Variants in AKAP6 observed in about 807,000 individuals in gnomAD.
AKAP6 encodes the protein A-kinase anchoring protein 6.
In AKAP6, 58 loss-of-function variants were observed where a neutral mutation model predicts 188.5. The ratio of observed to expected loss-of-function variants is 0.31; its 90% CI spans 0.25 to 0.38. The LOEUF (loss-of-function observed/expected upper bound fraction) is 0.38, where lower values mean the gene tolerates loss of function less well. Among genes scored for constraint, AKAP6 ranks in the 10% least tolerant of loss-of-function variants. The pLI is 1.00. For missense variants in AKAP6, 2,710 were observed against 2,740.0 expected (o/e 0.99, Z 0.24); for synonymous variants, 989 against 998.6 (o/e 0.99, Z 0.18).
At chr14:32,731,823 G>A (rs949126716) in intron 9 of AKAP6, among the ~76,000 whole-genome samples, 8 of 152,136 alleles carry the variant, frequency 5.3e-5, no homozygotes, top group African/African-American at 1.9e-4. Context: ...CAGTTTGTTA[G>A]AATATAATAC....
intron 2 of AKAP6, among the ~76,000 whole-genome samples, chr14:32,441,167 T>TA (rs2138735977): frequency 6.6e-6 from 1 of 152,322 alleles, no homozygotes; most frequent in South Asian, 2.1e-4. Context: ...GGTGTTTTGT[T>TA]ATAGTAGTCT....
intron 1 of AKAP6, among the ~76,000 whole-genome samples, chr14:32,381,213 G>A (rs1294604663): frequency 2.0e-5 from 3 of 151,998 alleles, no homozygotes; most frequent in Admixed American, 1.3e-4. Flanking sequence ...GGTGGCACAC[G>A]CGTGTAATCC....
At chr14:32,482,989 GTATA>G (rs199759517) in intron 2 of AKAP6, among the ~76,000 whole-genome samples, 104 of 84,326 alleles carry the variant, frequency 1.2e-3, no homozygotes, top group East Asian at 2.7e-3. Context: ...GTGTGTGTGT[GTATA>G]TATATATATA....
chr14:32,462,253 A>G (rs892411701), intron 2 of AKAP6, among the ~76,000 whole-genome samples: 1 of 152,176 alleles, frequency 6.6e-6, no homozygotes, highest in South Asian at 2.1e-4. Context: ...CTCCTTGAGA[A>G]GAGCAACCCC....
Position 32,623,307 on chromosome 14 carries a change from A to G in AKAP6, c.2730+22515A>G, listed in dbSNP as rs185289600. Among the ~76,000 whole-genome samples, 10 of 152,146 alleles carry G rather than the reference A, an allele frequency of 6.6e-5. No homozygotes were observed. The East Asian group carries it at 1.9e-3, about 29-fold the overall frequency. On this transcript the variant is annotated intron_variant, in intron 7 of 13. Transcript: ENST00000280979. Reference sequence around the variant, plus strand: ...GCTAAGACCTAATTAACATGTATTTAGAGATCTAGAATAAATTGCTTCCCT... The same window carrying G: ...GCTAAGACCTAATTAACATGTATTTGGAGATCTAGAATAAATTGCTTCCCT...
At chr14:32,447,227 T>G (rs1046436651) in intron 2 of AKAP6, among the ~76,000 whole-genome samples, 1 of 152,208 alleles carries the variant, frequency 6.6e-6, no homozygotes, top group Non-Finnish European at 1.5e-5. Context: ...CTACCTTGCA[T>G]TCTCATTTGC....
chr14:32,698,840 A>G (rs1363152723), intron 9 of AKAP6, among the ~76,000 whole-genome samples: 1 of 152,204 alleles, frequency 6.6e-6, no homozygotes, highest in Non-Finnish European at 1.5e-5. Context: ...ATTAACGAAA[A>G]GGATGAGGTG....
At chr14:32,699,290 CTG>C (rs1566654076) in intron 9 of AKAP6, among the ~76,000 whole-genome samples, 1 of 152,150 alleles carries the variant, frequency 6.6e-6, no homozygotes, top group Admixed American at 6.6e-5. Flanking sequence ...AGCAGATATC[CTG>C]AGTACAGCAT....
intron 1 of AKAP6, among the ~76,000 whole-genome samples, chr14:32,363,385 C>T (rs916589346): frequency 6.6e-6 from 1 of 152,178 alleles, no homozygotes; most frequent in Non-Finnish European, 1.5e-5. Context: ...AGTATTGACT[C>T]ACATGATCAC....
chr14:32,523,189 AG>A (rs1288554850), intron 2 of AKAP6, among the ~76,000 whole-genome samples: 21 of 103,956 alleles, frequency 2.0e-4, no homozygotes, highest in African/African-American at 5.3e-4. Context: ...GGGTGGGGGA[AG>A]GGGGGGAGGG....
Position 32,835,366 on chromosome 14 carries a change from AGTTT to A in AKAP6, c.*5566_*5569del, listed in dbSNP as rs1016615484. ...CACTTAAAGATTGTTTCACATCCAC[AGTTT>A]GTTTAAGGATTTAAATTTAGTTCAC... On this transcript the variant is annotated 3_prime_UTR_variant, in exon 14 of 14. Transcript: ENST00000280979. 6 of 152,140 alleles carry A rather than the reference AGTTT, an allele frequency of 3.9e-5. No homozygotes were observed. Among genetic ancestry groups the A allele is most frequent in the Admixed American group, 2.0e-4 (3 of 15,276 alleles). 9.4% of individuals were successfully genotyped at this position (152,140 alleles called of 1,614,324 possible).
intron 13 of AKAP6, among the ~76,000 whole-genome samples, chr14:32,827,966 G>A (rs1161902618): frequency 6.6e-6 from 1 of 152,080 alleles, no homozygotes; most frequent in Non-Finnish European, 1.5e-5. Context: ...TTTACTATGT[G>A]TATGTGTATG....
chr14:32,549,270 G>C (rs1333505076), intron 4 of AKAP6, among the ~76,000 whole-genome samples: 5 of 152,126 alleles, frequency 3.3e-5, no homozygotes, highest in Non-Finnish European at 7.4e-5. Flanking sequence ...TATAAAAACT[G>C]TGGTATTGTA....
At chr14:32,438,928 C>G (rs1440740918) in intron 2 of AKAP6, 1 of 152,168 alleles carries the variant, frequency 6.6e-6, no homozygotes, top group Non-Finnish European at 1.5e-5. Context: ...AACGTGATAG[C>G]AGGAAAGAGG....
intron 4 of AKAP6, among the ~76,000 whole-genome samples, chr14:32,561,945 T>C (rs1187697919): frequency 1.3e-5 from 2 of 151,980 alleles, no homozygotes; most frequent in Non-Finnish European, 2.9e-5. Flanking sequence ...ATTTCAAGAG[T>C]GTGGGTTCTG....
intron 9 of AKAP6, among the ~76,000 whole-genome samples, chr14:32,716,933 T>C (rs983480216): frequency 3.3e-5 from 5 of 152,112 alleles, no homozygotes; most frequent in Non-Finnish European, 7.4e-5. Context: ...TATATCGGGA[T>C]CTAAAATTTC....
At chr14:32,567,548 T>C (rs1884256636) in intron 4 of AKAP6, among the ~76,000 whole-genome samples, 6 of 152,178 alleles carry the variant, frequency 3.9e-5, no homozygotes, top group Admixed American at 3.9e-4. Context: ...TTTCTAAAAA[T>C]AATAACTTTA....
chr14:32,487,777 G>A (rs938966458), intron 2 of AKAP6, among the ~76,000 whole-genome samples: 8 of 152,230 alleles, frequency 5.3e-5, no homozygotes, highest in Admixed American at 5.2e-4. Flanking sequence ...CTGTTTGTTA[G>A]TTTTCCTTCT....
Position 32,835,917 on chromosome 14 carries a change from G to C in AKAP6, c.*6112G>C, listed in dbSNP as rs1455229122. The stretch of plus-strand genomic sequence containing the variant: ...GAGTTGCCACATATTTGCATTTCCA[G>C]AGTAAAATAATAGGATGACATGGGC... On this transcript the variant is annotated 3_prime_UTR_variant, in exon 14 of 14. Transcript: ENST00000280979. The C allele has an allele frequency of 6.6e-6, 1 of 152,160 alleles. No homozygotes were observed. The highest frequency in any genetic ancestry group is 2.4e-5 in the African/African-American group (1 of 41,440). The allele number at this position is 152,160 out of a possible 1,614,324, so 9.4% of individuals were successfully genotyped here.
Sources: gnomAD v4.1 joint callset for allele counts (sites outside exome capture counted in the v4.1 genomes callset) on GRCh38, gnomAD v4.1.1 for gene constraint, MANE v1.5 for transcripts, NCBI Gene and HGNC (gene_info 2026-07-23, HGNC 2026-07-21) for gene names.